XKR4: variants seen among roughly 807,000 people sequenced by gnomAD.
The protein encoded by XKR4 is XK related 4.
XKR4 carries 12 observed loss-of-function variants against 53.9 expected under a neutral mutation model. That is an observed-to-expected ratio of 0.22 (90% confidence interval 0.14 to 0.36). XKR4 has a LOEUF of 0.36. Ranked by LOEUF, XKR4 falls within the 10% of genes least tolerant of loss-of-function variation. XKR4 has a pLI of 1.00. For synonymous variants in XKR4, 354 were observed against 362.4 expected (o/e 0.98, Z 0.26); for missense variants, 799 against 859.5 (o/e 0.93, Z 0.88).
intron 1 of XKR4, among the ~76,000 whole-genome samples, chr8:55,196,986 A>C (rs1382836278): frequency 6.6e-6 from 1 of 152,174 alleles, no homozygotes; most frequent in East Asian, 1.9e-4. Context: ...ATGAATGATG[A>C]TGCAAGCTCA....
chr8:55,192,700 T>G (rs1214214340), intron 1 of XKR4, among the ~76,000 whole-genome samples: 1 of 152,212 alleles, frequency 6.6e-6, no homozygotes, highest in African/African-American at 2.4e-5. Context: ...GTGATTCCTC[T>G]GTCCATCTTT....
intron 2 of XKR4, among the ~76,000 whole-genome samples, chr8:55,418,153 G>A (rs1439516052): frequency 6.6e-6 from 1 of 152,056 alleles, no homozygotes; most frequent in African/African-American, 2.4e-5. Flanking sequence ...ATTAAGGCAA[G>A]GGGGTGAGAC....
intron 1 of XKR4, among the ~76,000 whole-genome samples, chr8:55,112,592 G>GTTTTTTTTTT (rs1563459297): frequency 1.9e-4 from 22 of 114,078 alleles, no homozygotes; most frequent in South Asian, 7.0e-4. Flanking sequence ...TTTTTTTAGG[G>GTTTTTTTTTT]AGCAGAGAGT....
intron 1 of XKR4, among the ~76,000 whole-genome samples, chr8:55,226,683 C>A (rs1040447704): frequency 6.6e-6 from 1 of 152,164 alleles, no homozygotes; most frequent in Admixed American, 6.5e-5. Flanking sequence ...CTTTCCTCCT[C>A]ATCCCCACTG....
intron 2 of XKR4, among the ~76,000 whole-genome samples, 185 bp from the exon 3 acceptor site, chr8:55,523,096 G>A (rs889041139): frequency 6.0e-5 from 9 of 151,090 alleles, no homozygotes; most frequent in African/African-American, 2.0e-4. Context: ...GAGCAGAGAT[G>A]GTGCCACTGC....
rs1807094562 is a variant in XKR4, at chr8:55,541,093, A to G, written c.*16866A>G. 4 of 152,230 alleles carry G rather than the reference A, an allele frequency of 2.6e-5. 1 individual carries two copies. The South Asian group carries it at 8.3e-4, about 31-fold the overall frequency. 9.4% of individuals were successfully genotyped at this position (152,230 alleles called of 1,614,324 possible). ...TTAATTCTCCAGTTATTTTAAGTAA[A>G]TAAGTTTCACATCTAACTACCTCAG... On this transcript the variant is annotated 3_prime_UTR_variant, in exon 3 of 3. Transcript: ENST00000327381.
chr8:55,389,702 G>C (rs953966522), intron 2 of XKR4, among the ~76,000 whole-genome samples: 1 of 152,114 alleles, frequency 6.6e-6, no homozygotes, highest in Non-Finnish European at 1.5e-5. Context: ...AATATTTATT[G>C]AGTACCCCCA....
At chr8:55,522,480 AC>A (rs1806811911) in intron 2 of XKR4, among the ~76,000 whole-genome samples, 1 of 152,194 alleles carries the variant, frequency 6.6e-6, no homozygotes, top group Non-Finnish European at 1.5e-5. Context: ...TTGTACACAC[AC>A]CTTTTATTTT....
chr8:55,501,360 C>G (rs750983729), intron 2 of XKR4, among the ~76,000 whole-genome samples: 63 of 152,172 alleles, frequency 4.1e-4, no homozygotes, highest in Non-Finnish European at 2.1e-4. Flanking sequence ...GCATTGAGTA[C>G]ATTCACACTG....
At position 55,271,584 on chromosome 8, in the gene XKR4, C is replaced by G. The variant is rs373071847; in HGVS notation, c.807-86094C>G. Among the ~76,000 whole-genome samples the G allele has an allele frequency of 9.8e-5, 15 of 152,366 alleles. No individual in the cohort carries two copies. The South Asian group carries it at 1.9e-3, about 19-fold the overall frequency. On this transcript the variant is annotated intron_variant, in intron 1 of 2. Transcript: ENST00000327381. The stretch of plus-strand genomic sequence containing the variant: ...TTGGCAGAGACTCACTTATCACAGG[C>G]AGAGGGCTGGAAAGCTTTATAGCGG...
intron 1 of XKR4, among the ~76,000 whole-genome samples, chr8:55,217,834 A>G (rs1817827342): frequency 6.6e-6 from 1 of 152,254 alleles, no homozygotes; most frequent in South Asian, 2.1e-4. Flanking sequence ...CAATGGCAAT[A>G]AAATCATAAA....
chr8:55,427,463 G>A (rs1563347340), intron 2 of XKR4, among the ~76,000 whole-genome samples: 1 of 151,960 alleles, frequency 6.6e-6, no homozygotes, highest in Admixed American at 6.6e-5. Context: ...CCCCTGCCTC[G>A]ACCTCCCAAA....
At chr8:55,127,657 G>A (rs1467674194) in intron 1 of XKR4, among the ~76,000 whole-genome samples, 2 of 150,506 alleles carry the variant, frequency 1.3e-5, no homozygotes, top group Non-Finnish European at 2.9e-5. Flanking sequence ...ATGTAAACAT[G>A]TGCCATGTTG....
intron 1 of XKR4, among the ~76,000 whole-genome samples, chr8:55,203,517 T>C (rs776111669): frequency 4.6e-5 from 7 of 152,218 alleles, no homozygotes; most frequent in Non-Finnish European, 7.3e-5. Flanking sequence ...ATGAGGATGA[T>C]GTAAGATAGG....
At chr8:55,499,057 T>A (rs562274929) in intron 2 of XKR4, among the ~76,000 whole-genome samples, 76 of 152,354 alleles carry the variant, frequency 5.0e-4, no homozygotes, top group African/African-American at 1.8e-3. Flanking sequence ...GAAATCCTCC[T>A]TTTTTCATTT....
chr8:55,451,400 G>A (rs1487204085), intron 2 of XKR4: 7 of 882,946 alleles, frequency 7.9e-6, no homozygotes, highest in African/African-American at 5.0e-5. Flanking sequence ...AGTGTGTTGC[G>A]TCCGGACGCA....
At chr8:55,455,783 G>A (rs974148773) in intron 2 of XKR4, among the ~76,000 whole-genome samples, 1 of 152,172 alleles carries the variant, frequency 6.6e-6, no homozygotes. Flanking sequence ...ACTTGAGAAT[G>A]GGAGGACTCT....
intron 1 of XKR4, among the ~76,000 whole-genome samples, chr8:55,150,243 CTG>C (rs1156448346): frequency 1.7e-4 from 26 of 152,306 alleles, no homozygotes; most frequent in Admixed American, 1.6e-3. Flanking sequence ...GTAACTGTAA[CTG>C]TATTTCTGTG....
At chr8:55,306,272 G>T (rs1819298376) in intron 1 of XKR4, among the ~76,000 whole-genome samples, 1 of 152,116 alleles carries the variant, frequency 6.6e-6, no homozygotes, top group Admixed American at 6.6e-5. Flanking sequence ...TTGCTATTTA[G>T]CATCTCCTGC....
Sources: allele counts gnomAD v4.1 joint callset (sites outside exome capture counted in the v4.1 genomes callset), GRCh38; gene constraint gnomAD v4.1.1; transcripts MANE v1.5; gene names NCBI Gene and HGNC (gene_info 2026-07-23, HGNC 2026-07-21).